Variants in NFIA observed in about 807,000 individuals in gnomAD.
NFIA encodes nuclear factor 1 A-type.
NFIA carries 8 observed loss-of-function variants against 62.8 expected under a neutral mutation model. That is an observed-to-expected ratio of 0.13 (90% CI 0.07 to 0.23). NFIA has a LOEUF of 0.23. NFIA is among the 10% of genes least tolerant of loss of function. The pLI, the probability that NFIA is intolerant of heterozygous loss-of-function variation, is 1.00. For synonymous variants in NFIA, 235 were observed against 238.1 expected (o/e 0.99, Z 0.12); for missense variants, 410 against 642.1 (o/e 0.64, Z 3.91).
chr1:61,320,819 A>T (rs950692684), intron 3 of NFIA, among the ~76,000 whole-genome samples: 10 of 152,202 alleles, frequency 6.6e-5, no homozygotes, highest in African/African-American at 2.4e-4. Context: ...TCCATGAACC[A>T]GGGTAGCCCT....
At chr1:61,369,146 C>T (rs530172496) in intron 6 of NFIA, among the ~76,000 whole-genome samples, 47 of 152,220 alleles carry the variant, frequency 3.1e-4, no homozygotes, top group Admixed American at 1.5e-3. Flanking sequence ...ATATCAGAGT[C>T]GAATCTTACT....
rs1647796893 is a variant in NFIA at position 61,144,645 on chromosome 1, G to C, written c.559+55965G>C. On this transcript the variant is annotated intron_variant, in intron 2 of 10. Transcript: ENST00000403491. ...CTTAGTTTCTTCATTGTGCAAATGA[G>C]GTTGACAGTAATAGGACCATACCTC... Among the ~76,000 whole-genome samples, 3 of 152,160 alleles carry C rather than the reference G, an allele frequency of 2.0e-5. No homozygotes were observed. In the South Asian group the frequency reaches 6.2e-4, roughly 31 times the overall value.
rs535309361 is a variant in NFIA at position 61,385,277 on chromosome 1, C to A, written c.1075+1912C>A. ...TTCAAAGTATAAATAACATTGAAGT[C>A]AAATCTTAAAAGATGCTTAGATAAA... On this transcript the variant is annotated intron_variant, in intron 7 of 10. Transcript: ENST00000403491. Among the ~76,000 whole-genome samples the A allele has an allele frequency of 2.0e-5, 3 of 151,992 alleles. No individual in the cohort carries two copies. The South Asian group carries it at 6.2e-4, about 32-fold the overall frequency.
At chr1:61,180,849 A>C (rs1650712270) in intron 2 of NFIA, among the ~76,000 whole-genome samples, 1 of 152,224 alleles carries the variant, frequency 6.6e-6, no homozygotes, top group African/African-American at 2.4e-5. Flanking sequence ...ATGTCTGCTC[A>C]TGATAAGAAG....
chr1:61,427,283 T>C (rs2100555186), intron 10 of NFIA, among the ~76,000 whole-genome samples: 1 of 152,316 alleles, frequency 6.6e-6, no homozygotes, highest in African/African-American at 2.4e-5. Flanking sequence ...TGAGAAACAG[T>C]AAAAGGCTTT....
chr1:61,161,310 A>T (rs1649184746), intron 2 of NFIA, among the ~76,000 whole-genome samples: 1 of 152,208 alleles, frequency 6.6e-6, no homozygotes, highest in Non-Finnish European at 1.5e-5. Context: ...CTGAAAACTT[A>T]CCAAGTTCAA....
chr1:61,257,289 C>T lies in NFIA; in HGVS notation c.560-20231C>T, dbSNP rs568969655. Among the ~76,000 whole-genome samples the T allele has an allele frequency of 4.5e-4, 65 of 144,418 alleles. No homozygotes were observed. In the South Asian group the frequency reaches 0.013, roughly 29 times the overall value. The allele number at this position is 144,418 out of a possible 152,430, so 94.7% of individuals were successfully genotyped here. A position where few individuals can be genotyped will look rare whatever the true frequency, so the allele number is the denominator to read the frequency against. On this transcript the variant is annotated intron_variant, in intron 2 of 10. Coordinates refer to ENST00000403491, the MANE Select transcript of NFIA (RefSeq NM_001134673.4). ...TGTTTGTGCAGAGGTAGAGAATTGT[C>T]TCCAGTCATGATTTTGTTTTTTATA...
intron 3 of NFIA, among the ~76,000 whole-genome samples, chr1:61,329,946 G>A (rs531772459): frequency 1.4e-4 from 22 of 152,276 alleles, no homozygotes; most frequent in African/African-American, 4.8e-4. Flanking sequence ...AGTCGCAGGA[G>A]GGTGATGGAG....
intron 3 of NFIA, among the ~76,000 whole-genome samples, chr1:61,309,803 T>G (rs1441807050): frequency 2.6e-5 from 4 of 152,038 alleles, no homozygotes; most frequent in Admixed American, 2.0e-4. Context: ...GCAGGAGAAT[T>G]GCTTGAACCC....
intron 2 of NFIA, among the ~76,000 whole-genome samples, chr1:61,213,009 C>G (rs537252527): frequency 6.6e-6 from 1 of 152,192 alleles, no homozygotes; most frequent in African/African-American, 2.4e-5. Flanking sequence ...CTTGACTGTT[C>G]CACTGCCCAT....
At chr1:61,305,826 GAC>G (rs1165845060) in intron 3 of NFIA, among the ~76,000 whole-genome samples, 1 of 151,532 alleles carries the variant, frequency 6.6e-6, no homozygotes, top group African/African-American at 2.4e-5. Context: ...CTGTTAGCAA[GAC>G]ACTGTCTTCT....
intron 2 of NFIA, among the ~76,000 whole-genome samples, chr1:61,261,073 T>G (rs2100238838): frequency 6.6e-6 from 1 of 152,340 alleles, no homozygotes; most frequent in Non-Finnish European, 1.5e-5. Flanking sequence ...AGTCAAATAA[T>G]TTAGGAATTT....
intron 2 of NFIA, among the ~76,000 whole-genome samples, chr1:61,177,579 C>T (rs183822031): frequency 1.3e-5 from 2 of 151,960 alleles, no homozygotes; most frequent in East Asian, 3.9e-4. Flanking sequence ...TTGCTAAGAT[C>T]CTCAGATATG....
intron 2 of NFIA, among the ~76,000 whole-genome samples, chr1:61,171,386 C>T (rs1388935459): frequency 6.6e-6 from 1 of 152,072 alleles, no homozygotes; most frequent in Admixed American, 6.6e-5. Flanking sequence ...TGCCATTATT[C>T]ATTGTATTTT....
chr1:61,193,702 A>G (rs2100578871), intron 2 of NFIA, among the ~76,000 whole-genome samples: 1 of 152,332 alleles, frequency 6.6e-6, no homozygotes, highest in South Asian at 2.1e-4. Context: ...TATTTGCAGA[A>G]CAAGCTGCAA....
chr1:61,142,317 T>G (rs754525561), intron 2 of NFIA, among the ~76,000 whole-genome samples: 3 of 152,208 alleles, frequency 2.0e-5, no homozygotes, highest in Non-Finnish European at 4.4e-5. Flanking sequence ...AAGTTAAAAA[T>G]AGACAATTCT....
At chr1:61,082,285 C>T, upstream of NFIA, 2 of 331,316 alleles carry the variant, frequency 6.0e-6, no homozygotes, top group Non-Finnish European at 1.0e-5. Context: ...GGGGAGCGAG[C>T]GAGCCAGCCT....
intron 2 of NFIA, among the ~76,000 whole-genome samples, chr1:61,100,873 A>G (rs891460579): frequency 3.3e-5 from 5 of 151,940 alleles, no homozygotes; most frequent in Admixed American, 3.3e-4. Context: ...TGAGATTCTA[A>G]GTATGAGCTG....
chr1:61,101,792 G>A (rs2100437308), intron 2 of NFIA, among the ~76,000 whole-genome samples: 1 of 152,310 alleles, frequency 6.6e-6, no homozygotes, highest in East Asian at 1.9e-4. Context: ...AAAGAAAAGA[G>A]ATACATACTA....
Sources: gnomAD v4.1 joint callset for allele counts (sites outside exome capture counted in the v4.1 genomes callset) on GRCh38, gnomAD v4.1.1 for gene constraint, MANE v1.5 for transcripts, NCBI Gene and HGNC (gene_info 2026-07-23, HGNC 2026-07-21) for gene names.